The following ROBO2 variants were observed in gnomAD, a reference collection of about 807,000 sequenced individuals.
ROBO2 encodes the protein roundabout guidance receptor 2.
A neutral mutation model predicts 160.8 loss-of-function variants in ROBO2; 53 were observed. The ratio of observed to expected loss-of-function variants is 0.33; its 90% CI spans 0.26 to 0.41. The LOEUF (loss-of-function observed/expected upper bound fraction) is 0.41. Ranked by LOEUF, ROBO2 falls within the 10% of genes least tolerant of loss-of-function variation. ROBO2 has a pLI of 1.00. For synonymous variants in ROBO2, 664 were observed against 611.7 expected (o/e 1.09, Z -1.26); for missense variants, 1,577 against 1,722.4 (o/e 0.92, Z 1.49).
intron 2 of ROBO2, among the ~76,000 whole-genome samples, chr3:77,185,711 A>T (rs1234075156): frequency 6.6e-6 from 1 of 151,910 alleles, no homozygotes; most frequent in African/African-American, 2.4e-5. Context: ...AACTGCATGC[A>T]CATGTGTATA....
intron 2 of ROBO2, among the ~76,000 whole-genome samples, chr3:76,995,108 A>AC (rs11370321): frequency 0.56 from 67,262 of 120,962 alleles, 17,427 homozygotes; most frequent in East Asian, 0.78. Flanking sequence ...AAGACCCCCC[A>AC]CCCCCAACAG....
At chr3:77,507,868 A>G (rs2088788934) in intron 5 of ROBO2, among the ~76,000 whole-genome samples, 1 of 152,106 alleles carries the variant, frequency 6.6e-6, no homozygotes, top group African/African-American at 2.4e-5. Context: ...ATTGAAAATA[A>G]TACCTGCAAT....
chr3:76,001,026 T>C (rs1213654450), intron 2 of ROBO2, among the ~76,000 whole-genome samples: 2 of 152,212 alleles, frequency 1.3e-5, no homozygotes, highest in Admixed American at 6.5e-5. Context: ...TTTCTGCTTT[T>C]CATTGACTTG....
chr3:76,062,071 A>G (rs2068086043), intron 2 of ROBO2, among the ~76,000 whole-genome samples: 2 of 152,144 alleles, frequency 1.3e-5, no homozygotes, highest in South Asian at 4.2e-4. Flanking sequence ...TTTTGAGGCC[A>G]ACTGGCTAGC....
chr3:76,976,363 C>T (rs2059816835), intron 2 of ROBO2, among the ~76,000 whole-genome samples: 1 of 152,146 alleles, frequency 6.6e-6, no homozygotes, highest in African/African-American at 2.4e-5. Flanking sequence ...CACATAAGCC[C>T]ACAGATGCTC....
intron 2 of ROBO2, among the ~76,000 whole-genome samples, chr3:77,188,749 G>A (rs2081519346): frequency 6.6e-6 from 1 of 151,678 alleles, no homozygotes; most frequent in Admixed American, 6.6e-5. Context: ...AAAATCACTA[G>A]TCCTGAAATT....
At chr3:76,188,681 A>AC (rs1253209899) in intron 2 of ROBO2, among the ~76,000 whole-genome samples, 1 of 152,072 alleles carries the variant, frequency 6.6e-6, no homozygotes, top group Non-Finnish European at 1.5e-5. Context: ...GTTTTAGATT[A>AC]CCTTTTATGA....
chr3:76,129,230 G>A (rs563586683), intron 2 of ROBO2, among the ~76,000 whole-genome samples: 19 of 152,124 alleles, frequency 1.2e-4, no homozygotes, highest in Middle Eastern at 3.4e-3. Context: ...ATTCTTTAGT[G>A]TTACGGCACT....
chr3:76,731,427 C>T (rs1233588991), intron 2 of ROBO2, among the ~76,000 whole-genome samples: 1 of 152,098 alleles, frequency 6.6e-6, no homozygotes, highest in Admixed American at 6.5e-5. Flanking sequence ...ATGAGCATAG[C>T]ATTGTGACCA....
chr3:77,481,942 G>A (rs569310133), intron 4 of ROBO2, among the ~76,000 whole-genome samples: 2 of 152,154 alleles, frequency 1.3e-5, no homozygotes, highest in East Asian at 3.9e-4. Context: ...AAGGTTGAAA[G>A]AGAGAGAAAA....
chr3:76,314,484 C>G (rs1336328703), intron 2 of ROBO2, among the ~76,000 whole-genome samples: 1 of 151,894 alleles, frequency 6.6e-6, no homozygotes, highest in East Asian at 1.9e-4. Context: ...TGAGTTCACC[C>G]TTGAATGACA....
In ROBO2 at chr3:76,798,163, AAAGAAAGG is replaced by A. The variant is rs1397766553; in HGVS notation, c.110-299850_110-299843del. ...AAGAGAAAGAAAGAAAGAAAGAAAG[AAAGAAAGG>A]GAGAGAAAGAAAGAAAGAAAAAGAA... On this transcript the variant is annotated intron_variant, in intron 2 of 26. Transcript: ENST00000487694. Among the ~76,000 whole-genome samples, 747 of 148,516 alleles carry A rather than the reference AAAGAAAGG, an allele frequency of 5.0e-3. 7 individuals are homozygous for A. The highest frequency in any genetic ancestry group is 0.021 in the Middle Eastern group (6 of 290).
chr3:76,098,200 G>C, intron 2 of ROBO2, among the ~76,000 whole-genome samples: 1 of 152,086 alleles, frequency 6.6e-6, no homozygotes, highest in East Asian at 1.9e-4. Context: ...TAAAGCAACT[G>C]TTTTGCCAAT....
chr3:75,947,117 T>C (rs1041468577), intron 2 of ROBO2, among the ~76,000 whole-genome samples: 8 of 152,102 alleles, frequency 5.3e-5, no homozygotes, highest in African/African-American at 1.7e-4. Context: ...GGGATTATGG[T>C]CACTTTTAGT....
At chr3:76,835,511 G>C (rs949154960) in intron 2 of ROBO2, among the ~76,000 whole-genome samples, 5 of 149,918 alleles carry the variant, frequency 3.3e-5, no homozygotes, top group Admixed American at 6.7e-5. Context: ...AAGACTAATA[G>C]ATGTATACAT....
At position 76,442,986 on chromosome 3, in the gene ROBO2, G is replaced by T. The variant is rs549944769; in HGVS notation, c.109+505384G>T. Among the ~76,000 whole-genome samples, 14 of 152,208 alleles carry T rather than the reference G, an allele frequency of 9.2e-5. No individual in the cohort carries two copies. The East Asian group carries it at 2.7e-3, about 29-fold the overall frequency. On this transcript the variant is annotated intron_variant, in intron 2 of 26. Transcript: ENST00000487694. The stretch of plus-strand genomic sequence containing the variant: ...GCTGGGTAATTTATAAAGAAAAAAG[G>T]TTTATTTGGTTCACAGTTTTGCAGG...
intron 15 of ROBO2, among the ~76,000 whole-genome samples, chr3:77,578,553 A>G (rs1211446515): frequency 6.6e-6 from 1 of 152,112 alleles, no homozygotes; most frequent in African/African-American, 2.4e-5. Context: ...AGGAAATATT[A>G]ATTTTTACAT....
chr3:76,770,414 C>T (rs1300941470), intron 2 of ROBO2, among the ~76,000 whole-genome samples: 3 of 151,180 alleles, frequency 2.0e-5, no homozygotes, highest in Non-Finnish European at 4.4e-5. Flanking sequence ...CATAATTAAT[C>T]AATTACAAAT....
intron 2 of ROBO2, among the ~76,000 whole-genome samples, chr3:76,337,576 C>T (rs2073973148): frequency 6.6e-6 from 1 of 152,080 alleles, no homozygotes; most frequent in Admixed American, 6.5e-5. Context: ...ACACATATCA[C>T]TTACCTAGTA....
Sources: gnomAD v4.1 joint callset for allele counts (sites outside exome capture counted in the v4.1 genomes callset) on GRCh38, gnomAD v4.1.1 for gene constraint, MANE v1.5 for transcripts, NCBI Gene and HGNC (gene_info 2026-07-23, HGNC 2026-07-21) for gene names.